The following HSD17B4 variants were observed in gnomAD, a reference collection of about 807,000 sequenced individuals.
The protein encoded by HSD17B4 is peroxisomal multifunctional enzyme type 2.
Under a neutral mutation model 101.0 loss-of-function variants are expected in HSD17B4, and 70 were observed. The ratio of observed to expected loss-of-function variants is 0.69; its 90% confidence interval spans 0.57 to 0.85. The LOEUF (loss-of-function observed/expected upper bound fraction) is 0.85. Ranked by LOEUF, HSD17B4 falls within the 40% of genes least tolerant of loss-of-function variation. HSD17B4 has a pLI of 0.00. For synonymous variants in HSD17B4, 347 were observed against 297.1 expected, an observed-to-expected ratio of 1.17 and a Z score of -1.73; for missense variants, 984 against 892.4, an observed-to-expected ratio of 1.10 and a Z score of -1.31.
At chr5:119,502,212 T>A in intron 14 of HSD17B4, 120 bp downstream of exon 14, 1 of 722,960 alleles carries the variant, frequency 1.4e-6, no homozygotes, top group South Asian at 1.6e-5. Flanking sequence ...CACAAATTGT[T>A]ATGCACATGT....
At position 119,531,255 on chromosome 5, in the gene HSD17B4, G is replaced by A; in HGVS notation, c.1855-11G>A. The stretch of plus-strand genomic sequence containing the variant: ...CAGAACTTTTAAAGTTTATTTTGTT[G>A]TCGTTGTTAGGGCGGGAAGCTTCAG... On this transcript the variant is annotated splice_polypyrimidine_tract_variant and intron_variant, in intron 21 of 23. Coordinates refer to ENST00000510025, the MANE Select transcript of HSD17B4 (RefSeq NM_000414.4). 1 of 1,612,918 alleles carries A rather than the reference G, an allele frequency of 6.2e-7. No homozygotes were observed. The highest frequency in any genetic ancestry group is 2.2e-5 in the East Asian group (1 of 44,834).
chr5:119,498,303 A>C (rs1580620236), intron 12 of HSD17B4, among the ~76,000 whole-genome samples: 1 of 152,220 alleles, frequency 6.6e-6, no homozygotes, highest in Non-Finnish European at 1.5e-5. Context: ...AGGGCCATAT[A>C]GTAAATATTT....
At chr5:119,510,629 C>T (rs941178819) in intron 16 of HSD17B4, among the ~76,000 whole-genome samples, 1 of 152,180 alleles carries the variant, frequency 6.6e-6, no homozygotes, top group Non-Finnish European at 1.5e-5. Flanking sequence ...TTTAATGTCT[C>T]TGGAAATTGT....
intron 16 of HSD17B4, among the ~76,000 whole-genome samples, chr5:119,510,472 G>A (rs1336758587): frequency 6.6e-6 from 1 of 152,102 alleles, no homozygotes; most frequent in Non-Finnish European, 1.5e-5. Context: ...AGATTATACT[G>A]TAGTCAATAT....
chr5:119,536,638 T>A lies in HSD17B4; in HGVS notation c.2121+88T>A, dbSNP rs191304655. On this transcript the variant is annotated intron_variant, in intron 23 of 23. Transcript: ENST00000510025. ...TTTTAAGCTGATGCCCAAATTCTGA[T>A]TTATAAGCCAGGTTTCTTACAACTC... 2.8e-4 allele frequency: 347 copies of A among 1,243,598 alleles called. 1 individual carries two copies. The highest frequency in any genetic ancestry group is 5.7e-4 in the Middle Eastern group (3 of 5,298). The allele number at this position is 1,243,598 out of a possible 1,614,324, so 77.0% of individuals were successfully genotyped here.
chr5:119,480,073 A>G (rs1748978020), intron 8 of HSD17B4, among the ~76,000 whole-genome samples: 1 of 151,992 alleles, frequency 6.6e-6, no homozygotes, highest in Non-Finnish European at 1.5e-5. Context: ...TTTAATTTGC[A>G]CTTACCTAGT....
At chr5:119,505,052 A>G (rs191583252) in intron 14 of HSD17B4, among the ~76,000 whole-genome samples, 1 of 152,258 alleles carries the variant, frequency 6.6e-6, no homozygotes, top group African/African-American at 2.4e-5. Context: ...CAAAGATCAG[A>G]TGGTTGTAGG....
chr5:119,456,579 A>T (rs1458151359), intron 2 of HSD17B4: 2 of 564,088 alleles, frequency 3.5e-6, no homozygotes, highest in Non-Finnish European at 6.3e-6. Context: ...AGCTTAACAG[A>T]ATTGATAACG....
rs1031859297 is a variant in HSD17B4 at position 119,471,842 on chromosome 5, T to C, written c.113-2066T>C. 1.7e-5 allele frequency: 9 copies of C among 539,668 alleles called. 1 individual carries two copies. In the South Asian group the frequency reaches 2.6e-4, roughly 15 times the overall value. The allele number at this position is 539,668 out of a possible 1,614,324, so 33.4% of individuals were successfully genotyped here. A position where few individuals can be genotyped will look rare whatever the true frequency, so the allele number is the denominator to read the frequency against. ...TGATATTTGTTCTTATTTGATTATGTTGGCTTGGATATACACTTTATGCTA... is the reference window on the plus strand; with the variant it reads ...TGATATTTGTTCTTATTTGATTATGCTGGCTTGGATATACACTTTATGCTA... On this transcript the variant is annotated intron_variant, in intron 2 of 23. Coordinates refer to ENST00000510025, the MANE Select transcript of HSD17B4 (RefSeq NM_000414.4).
chr5:119,477,731 A>T (rs1748724149), intron 7 of HSD17B4: 1 of 503,190 alleles, frequency 2.0e-6, no homozygotes, highest in East Asian at 3.5e-5. Flanking sequence ...TTTTGTTATT[A>T]AAGATTTTCT....
intron 1 of HSD17B4, among the ~76,000 whole-genome samples, chr5:119,454,596 A>G (rs1385333957): frequency 6.6e-6 from 1 of 151,746 alleles, no homozygotes; most frequent in Non-Finnish European, 1.5e-5. Context: ...GAAATTTCCT[A>G]GTTTTGGAAA....
chr5:119,536,700 C>T (rs895338536), intron 23 of HSD17B4, 150 bp downstream of exon 23: 3 of 727,486 alleles, frequency 4.1e-6, no homozygotes, highest in Non-Finnish European at 7.2e-6. Flanking sequence ...CTCTGGTTGA[C>T]AGGTCATATA....
At chr5:119,506,167 G>A (rs1045007234) in intron 14 of HSD17B4, among the ~76,000 whole-genome samples, 3 of 152,098 alleles carry the variant, frequency 2.0e-5, no homozygotes, top group Admixed American at 2.0e-4. Flanking sequence ...CCCTCCCCTT[G>A]TCCTGCACAC....
At chr5:119,489,067 A>G in intron 8 of HSD17B4, 125 bp from the exon 9 acceptor site, 1 of 675,000 alleles carries the variant, frequency 1.5e-6, no homozygotes, top group Non-Finnish European at 2.6e-6. Flanking sequence ...TAAATGTTAG[A>G]CTAGTTATAT....
At chr5:119,479,128 T>C (rs1000829983) in intron 8 of HSD17B4, 107 bp downstream of exon 8, 2 of 866,548 alleles carry the variant, frequency 2.3e-6, no homozygotes, top group Admixed American at 2.1e-5. Context: ...TATTATTTTT[T>C]TCAATTTCGA....
At chr5:119,525,896 C>G (rs781550754) in intron 18 of HSD17B4, 21 bp from the exon 19 acceptor site, 8 of 1,373,808 alleles carry the variant, frequency 5.8e-6, no homozygotes, top group Non-Finnish European at 6.2e-6. Context: ...GTATCTAACT[C>G]AGTGTTCTCT....
chr5:119,541,796 A>G, intron 23 of HSD17B4, 109 bp from the exon 24 acceptor site: 1 of 721,224 alleles, frequency 1.4e-6, no homozygotes, highest in Non-Finnish European at 2.4e-6. Context: ...TTTGTTGTCC[A>G]GAATTATTAG....
At chr5:119,505,734 ATT>A (rs527906126) in intron 14 of HSD17B4, among the ~76,000 whole-genome samples, 5 of 144,896 alleles carry the variant, frequency 3.5e-5, no homozygotes, top group Non-Finnish European at 3.0e-5. Context: ...ATGTCTTAAC[ATT>A]TTTTTTTTTT....
In HSD17B4 at chr5:119,511,758, A is replaced by T. The variant is rs184358448; in HGVS notation, c.1437+2514A>T. Among the ~76,000 whole-genome samples the T allele has an allele frequency of 7.2e-5, 11 of 152,356 alleles. No individual in the cohort carries two copies. The East Asian group carries it at 2.1e-3, about 29-fold the overall frequency. On this transcript the variant is annotated intron_variant, in intron 16 of 23. Transcript: ENST00000510025. ...TCTAGCTAAGTTACTAAATAAATAA[A>T]CAATAACAACAAGCCCTGGAAGGGG... is the stretch of plus-strand genomic sequence containing the variant.
Sources: allele counts gnomAD v4.1 joint callset (sites outside exome capture counted in the v4.1 genomes callset), GRCh38; gene constraint gnomAD v4.1.1; transcripts MANE v1.5; gene names NCBI Gene and HGNC (gene_info 2026-07-23, HGNC 2026-07-21).